SLC25A20: variants seen among roughly 807,000 people sequenced by gnomAD.
SLC25A20 encodes the protein mitochondrial carnitine/acylcarnitine carrier protein.
A neutral mutation model predicts 39.7 loss-of-function variants in SLC25A20; 29 were observed. That is an observed-to-expected ratio of 0.73 (90% CI 0.54 to 1.00). The LOEUF is 1.00. SLC25A20 is among the 50% of genes least tolerant of loss of function. SLC25A20 has a pLI of 0.00. For missense variants in SLC25A20, 333 were observed against 379.9 expected, an observed-to-expected ratio of 0.88 and a Z score of 1.03; for synonymous variants, 103 against 142.2, an observed-to-expected ratio of 0.72 and a Z score of 1.96.
intron 1 of SLC25A20, among the ~76,000 whole-genome samples, chr3:48,896,690 G>A (rs1447441773): frequency 1.4e-5 from 2 of 146,608 alleles, no homozygotes; most frequent in Non-Finnish European, 3.0e-5. Flanking sequence ...TTTTTTTTTT[G>A]TATTTTTAGT....
At chr3:48,892,151 A>G (rs1029431565) in intron 1 of SLC25A20, 79 bp from the exon 2 acceptor site, 6 of 1,057,126 alleles carry the variant, frequency 5.7e-6, no homozygotes, top group Admixed American at 5.1e-5. Context: ...CTGTCTGCCA[A>G]ACTGAACAGG....
chr3:48,863,993 A>G (rs1350720956), intron 4 of SLC25A20, among the ~76,000 whole-genome samples: 1 of 147,236 alleles, frequency 6.8e-6, no homozygotes, highest in African/African-American at 2.5e-5. Flanking sequence ...CCAGCCTGGG[A>G]GACAGAGCAC....
At chr3:48,857,905 T>G (rs1156433306) in intron 8 of SLC25A20, 133 bp from the exon 9 acceptor site, 4 of 720,652 alleles carry the variant, frequency 5.6e-6, no homozygotes, top group Non-Finnish European at 9.8e-6. Flanking sequence ...ACATCAAGGA[T>G]GCAAGCTCTA....
At chr3:48,892,137 C>T in intron 1 of SLC25A20, 65 bp from the exon 2 acceptor site, 1 of 1,262,916 alleles carries the variant, frequency 7.9e-7, no homozygotes. Flanking sequence ...CAGCAATGGC[C>T]CAACTGTCTG....
In SLC25A20 at chr3:48,891,983, T is replaced by C. The variant is rs776205534; in HGVS notation, c.195A>G (p.Arg65=). ...TFDCFRKTLF[R]EGITGLYRGM... ...ATGCCCAGCACCATATACCAACCTC[T>C]CTAAAAAGAGTCTTCCGGAAACAGT... The change falls in exon 2 of 9, where the codon AGA becomes AGG. Residue 65 remains arginine (R), a synonymous_variant. Transcript: ENST00000319017. 6 of 1,612,430 alleles carry C rather than the reference T, an allele frequency of 3.7e-6. No individual in the cohort carries two copies. The African/African-American group carries it at 5.3e-5, about 14-fold the overall frequency.
intron 2 of SLC25A20, 66 bp from the exon 3 acceptor site, chr3:48,884,190 G>A (rs781734544): frequency 3.2e-5 from 51 of 1,603,970 alleles, no homozygotes; most frequent in Non-Finnish European, 4.3e-5. Flanking sequence ...ACTGAAAGAG[G>A]AAAGCAGTGT....
intron 1 of SLC25A20, among the ~76,000 whole-genome samples, chr3:48,893,889 G>A (rs1335373229): frequency 3.3e-5 from 5 of 149,572 alleles, no homozygotes; most frequent in East Asian, 2.0e-4. Context: ...GGCCAGGCGC[G>A]GTGGCTCACA....
chr3:48,884,413 G>A lies in SLC25A20; in HGVS notation c.199-289C>T, dbSNP rs576076859. On this transcript the variant is annotated intron_variant, in intron 2 of 8. Coordinates refer to ENST00000319017, the MANE Select transcript of SLC25A20 (RefSeq NM_000387.6). ...CGCCCAGGCTGGGGTGCAGTGGTGCGATCACAACTCATCACAGCCTTGATC... is the reference window on the plus strand; with the variant it reads ...CGCCCAGGCTGGGGTGCAGTGGTGCAATCACAACTCATCACAGCCTTGATC... 9.9e-5 allele frequency among the ~76,000 whole-genome samples: 15 copies of A among 151,988 alleles called. No homozygotes were observed. In the East Asian group the frequency reaches 1.2e-3, roughly 12 times the overall value.
intron 4 of SLC25A20, among the ~76,000 whole-genome samples, chr3:48,869,616 G>A (rs2083699056): frequency 6.6e-6 from 1 of 152,148 alleles, no homozygotes; most frequent in South Asian, 2.1e-4. Context: ...CTTGATCCCA[G>A]GAGTTGGAGA....
At chr3:48,873,205 C>T (rs2083729590) in intron 4 of SLC25A20, among the ~76,000 whole-genome samples, 1 of 152,048 alleles carries the variant, frequency 6.6e-6, no homozygotes, top group Non-Finnish European at 1.5e-5. Context: ...GCCTGGGCAA[C>T]AGAGCAAGAC....
chr3:48,887,567 C>T (rs1363285266), intron 2 of SLC25A20, among the ~76,000 whole-genome samples: 1 of 152,120 alleles, frequency 6.6e-6, no homozygotes, highest in Non-Finnish European at 1.5e-5. Flanking sequence ...ACTGCTCAGA[C>T]TCTACCCTGG....
chr3:48,898,623 G>C, intron 1 of SLC25A20, 67 bp downstream of exon 1: 1 of 1,426,800 alleles, frequency 7.0e-7, no homozygotes, highest in South Asian at 1.2e-5. Flanking sequence ...CGCGCCTCGC[G>C]GGGGACCATG....
At chr3:48,883,145 A>C (rs1361180859) in intron 3 of SLC25A20, among the ~76,000 whole-genome samples, 2 of 150,274 alleles carry the variant, frequency 1.3e-5, no homozygotes, top group Non-Finnish European at 3.0e-5. Flanking sequence ...CAGTGAGCCG[A>C]GATTGCGCCA....
intron 2 of SLC25A20, among the ~76,000 whole-genome samples, chr3:48,885,840 C>T (rs904094638): frequency 2.5e-4 from 38 of 152,108 alleles, no homozygotes; most frequent in African/African-American, 8.4e-4. Context: ...CAGAACAAAA[C>T]AATACACACT....
chr3:48,877,019 C>G (rs1431421533), intron 4 of SLC25A20, among the ~76,000 whole-genome samples: 1 of 151,974 alleles, frequency 6.6e-6, no homozygotes, highest in African/African-American at 2.4e-5. Flanking sequence ...TCGCTTGAAG[C>G]CAGGAGGCAG....
chr3:48,860,257 C>T (rs1021633993), intron 5 of SLC25A20, among the ~76,000 whole-genome samples: 7 of 146,302 alleles, frequency 4.8e-5, no homozygotes, highest in African/African-American at 1.0e-4. Context: ...GCTGAGACTG[C>T]GCCACTGCAC....
chr3:48,875,140 G>A (rs889199910), intron 4 of SLC25A20, among the ~76,000 whole-genome samples: 2 of 149,558 alleles, frequency 1.3e-5, no homozygotes, highest in African/African-American at 4.9e-5. Context: ...GTCTTGCTCT[G>A]TTGCCCAGGC....
At chr3:48,873,862 G>A (rs1050626682) in intron 4 of SLC25A20, among the ~76,000 whole-genome samples, 32 of 151,306 alleles carry the variant, frequency 2.1e-4, no homozygotes, top group African/African-American at 6.5e-4. Context: ...CCAGCTACTC[G>A]GGAGGCTGAG....
chr3:48,879,253 T>C lies in SLC25A20; in HGVS notation c.417+105A>G. 6.7e-6 allele frequency: 6 copies of C among 894,308 alleles called. No homozygotes were observed. In the South Asian group the frequency reaches 7.9e-5, roughly 12 times the overall value. The allele number at this position is 894,308 out of a possible 1,614,324, so 55.4% of individuals were successfully genotyped here. A position where few individuals can be genotyped will look rare whatever the true frequency, so the allele number is the denominator to read the frequency against. On this transcript the variant is annotated intron_variant, in intron 4 of 8. Transcript: ENST00000319017. ...TGCTAGGATTACAGGTGTGAGCCAC[T>C]GCACCCAGTCCTGAAGCCTTTATTA...
Sources: allele counts gnomAD v4.1 joint callset (sites outside exome capture counted in the v4.1 genomes callset), GRCh38; gene constraint gnomAD v4.1.1; transcripts MANE v1.5; gene names NCBI Gene and HGNC (gene_info 2026-07-23, HGNC 2026-07-21).